Variants in CREB5 observed in about 807,000 individuals in gnomAD.
The protein encoded by CREB5 is cyclic AMP-responsive element-binding protein 5.
Under a neutral mutation model 57.1 loss-of-function variants are expected in CREB5, and 19 were observed. The ratio of observed to expected loss-of-function variants is 0.33; its 90% confidence interval spans 0.23 to 0.49. The LOEUF is 0.49. Ranked by LOEUF, CREB5 falls within the 20% of genes least tolerant of loss-of-function variation. The pLI is 0.99. For synonymous variants in CREB5, 238 were observed against 238.3 expected, an observed-to-expected ratio of 1.00 and a Z score of 0.01; for missense variants, 579 against 671.6, an observed-to-expected ratio of 0.86 and a Z score of 1.52.
chr7:28,729,782 G>T (rs982959085), intron 7 of CREB5, among the ~76,000 whole-genome samples: 2 of 152,210 alleles, frequency 1.3e-5, no homozygotes, highest in Non-Finnish European at 1.5e-5. Flanking sequence ...GGAAAGAAGT[G>T]CTATTGACTT....
chr7:28,486,637 A>G (rs1791557073), intron 1 of CREB5, among the ~76,000 whole-genome samples: 1 of 117,834 alleles, frequency 8.5e-6, no homozygotes, highest in South Asian at 2.8e-4. Context: ...AAATTGTGTG[A>G]CTTAAATAAC....
At chr7:28,354,366 G>C (rs765398684) in intron 1 of CREB5, among the ~76,000 whole-genome samples, 1 of 152,180 alleles carries the variant, frequency 6.6e-6, no homozygotes, top group Non-Finnish European at 1.5e-5. Flanking sequence ...AACATGAAAA[G>C]GTTAGATTGG....
chr7:28,338,332 G>T (rs1024087825), intron 1 of CREB5, among the ~76,000 whole-genome samples: 1 of 151,994 alleles, frequency 6.6e-6, no homozygotes, highest in Non-Finnish European at 1.5e-5. Context: ...CTCAGTTTTT[G>T]TTCATCTGGG....
At chr7:28,594,798 C>T (rs1163755851) in intron 5 of CREB5, among the ~76,000 whole-genome samples, 1 of 152,136 alleles carries the variant, frequency 6.6e-6, no homozygotes, top group Non-Finnish European at 1.5e-5. Context: ...AGACAGGGCC[C>T]TTCATACATG....
Position 28,302,925 on chromosome 7 carries a change from T to C in CREB5, c.-25+3484T>C, listed in dbSNP as rs187912774. On this transcript the variant is annotated intron_variant, in intron 1 of 9. Transcript: ENST00000396299. ...AAGAAAAGCAATGCTGTTCACAGAATGATGGCGGAATATAGGGTTGCTCTC... is the reference window on the plus strand; with the variant it reads ...AAGAAAAGCAATGCTGTTCACAGAACGATGGCGGAATATAGGGTTGCTCTC... 2.5e-3 allele frequency among the ~76,000 whole-genome samples: 376 copies of C among 152,316 alleles called. 1 individual carries two copies. The highest frequency in any genetic ancestry group is 8.7e-3 in the African/African-American group (361 of 41,568).
chr7:28,501,301 T>C (rs1192268145), intron 3 of CREB5, among the ~76,000 whole-genome samples: 1 of 152,238 alleles, frequency 6.6e-6, no homozygotes, highest in Non-Finnish European at 1.5e-5. Context: ...TTTAGGAGAT[T>C]CTTCTAACAC....
chr7:28,751,893 C>G (rs1804995989), intron 7 of CREB5, among the ~76,000 whole-genome samples: 1 of 152,002 alleles, frequency 6.6e-6, no homozygotes, highest in Admixed American at 6.6e-5. Flanking sequence ...CTCAGTCTTC[C>G]TTTGTCTTTT....
intron 5 of CREB5, among the ~76,000 whole-genome samples, chr7:28,591,757 G>T (rs777900040): frequency 6.6e-6 from 1 of 152,172 alleles, no homozygotes; most frequent in Non-Finnish European, 1.5e-5. Flanking sequence ...ATTGTGGGGT[G>T]TAGGAAGTGG....
At chr7:28,618,126 A>ATTTTTTGTT (rs1797661645) in intron 5 of CREB5, among the ~76,000 whole-genome samples, 4 of 152,190 alleles carry the variant, frequency 2.6e-5, no homozygotes, top group Non-Finnish European at 5.9e-5. Flanking sequence ...GAAAAATTGG[A>ATTTTTTGTT]TAGAACTTCA....
At chr7:28,668,602 G>A (rs1003431090) in intron 5 of CREB5, among the ~76,000 whole-genome samples, 1 of 152,158 alleles carries the variant, frequency 6.6e-6, no homozygotes, top group African/African-American at 2.4e-5. Context: ...AAGGAAGTAT[G>A]TACAAAAACC....
chr7:28,800,014 G>A (rs536489050), intron 7 of CREB5, among the ~76,000 whole-genome samples: 12 of 152,222 alleles, frequency 7.9e-5, no homozygotes, highest in African/African-American at 2.9e-4. Context: ...TATGTATCAG[G>A]CTCTGTGCTA....
chr7:28,658,308 T>C (rs1036344584), intron 5 of CREB5, among the ~76,000 whole-genome samples: 12 of 152,202 alleles, frequency 7.9e-5, no homozygotes, highest in Admixed American at 4.6e-4. Context: ...CCTGTGATTG[T>C]ACGAACTCAG....
chr7:28,536,100 A>G (rs927772155), intron 4 of CREB5, among the ~76,000 whole-genome samples: 2 of 152,076 alleles, frequency 1.3e-5, no homozygotes, highest in Non-Finnish European at 2.9e-5. Context: ...TTCCCCATCT[A>G]TGTTGCAGAG....
intron 4 of CREB5, among the ~76,000 whole-genome samples, chr7:28,524,666 T>C (rs1350104801): frequency 1.3e-5 from 2 of 152,228 alleles, no homozygotes; most frequent in Non-Finnish European, 2.9e-5. Flanking sequence ...TCAACCGTTT[T>C]TGTGAGTTTT....
At chr7:28,693,109 C>T (rs1473070945) in intron 5 of CREB5, among the ~76,000 whole-genome samples, 1 of 152,204 alleles carries the variant, frequency 6.6e-6, no homozygotes, top group Admixed American at 6.5e-5. Context: ...TCTCTCTCTT[C>T]ACATGGTACC....
chr7:28,659,895 A>G (rs1050435021), intron 5 of CREB5, among the ~76,000 whole-genome samples: 1 of 152,180 alleles, frequency 6.6e-6, no homozygotes, highest in Non-Finnish European at 1.5e-5. Flanking sequence ...ATTGGATCAG[A>G]CATTTTGAGG....
chr7:28,350,678 A>G (rs926112687), intron 1 of CREB5, among the ~76,000 whole-genome samples: 1 of 152,128 alleles, frequency 6.6e-6, no homozygotes, highest in Admixed American at 6.5e-5. Context: ...TAGTGTGCGT[A>G]AGCATGGAGG....
At chr7:28,306,546 G>GCT in intron 1 of CREB5, among the ~76,000 whole-genome samples, 1 of 93,494 alleles carries the variant, frequency 1.1e-5, no homozygotes, top group Admixed American at 1.4e-4. Flanking sequence ...ATACAGTTTT[G>GCT]TTTTTTTTGT....
chr7:28,322,230 G>A (rs982360205), intron 1 of CREB5, among the ~76,000 whole-genome samples: 49 of 151,994 alleles, frequency 3.2e-4, no homozygotes, highest in African/African-American at 1.0e-3. Flanking sequence ...CAGAATTAAC[G>A]GATTTTTGAA....
Sources: allele counts gnomAD v4.1 joint callset (sites outside exome capture counted in the v4.1 genomes callset), GRCh38; gene constraint gnomAD v4.1.1; transcripts MANE v1.5; gene names NCBI Gene and HGNC (gene_info 2026-07-23, HGNC 2026-07-21).